MIS18A: variants seen among roughly 807,000 people sequenced by gnomAD.
MIS18A encodes protein Mis18-alpha.
Under a neutral mutation model 25.0 loss-of-function variants are expected in MIS18A, and 14 were observed. The observed-to-expected ratio is 0.56, with a 90% CI of 0.37 to 0.88. The LOEUF (loss-of-function observed/expected upper bound fraction) is 0.88. Among genes scored for constraint, MIS18A ranks in the 40% least tolerant of loss-of-function variants. The probability of loss-of-function intolerance (pLI) is 0.00; values close to 1 mark genes in which losing one functional copy is unlikely to be tolerated. For synonymous variants in MIS18A, 134 were observed against 118.6 expected, an observed-to-expected ratio of 1.13 and a Z score of -0.84; for missense variants, 292 against 290.8, an observed-to-expected ratio of 1.00 and a Z score of -0.03.
intron 1 of MIS18A, chr21:32,277,946 G>C (rs976659619): frequency 2.6e-5 from 4 of 152,096 alleles, no homozygotes; most frequent in Admixed American, 2.6e-4. Flanking sequence ...GGCATTCAAA[G>C]ACAGAAAAAA....
At chr21:32,165,949 G>C in the MIS18A span, among the ~76,000 whole-genome samples, 5,764 of 152,176 alleles carry the variant, frequency 0.038, 209 homozygotes, top group African/African-American at 0.095. Context: ...TAGTGAACAG[G>C]CATTATCACC....
chr21:32,186,226 G>A, the MIS18A span, among the ~76,000 whole-genome samples: 2 of 152,148 alleles, frequency 1.3e-5, no homozygotes, highest in East Asian at 1.9e-4. Context: ...TGATCATAAC[G>A]ACTTGAGAGA....
the MIS18A span, among the ~76,000 whole-genome samples, chr21:32,211,926 C>T: frequency 6.6e-6 from 1 of 152,206 alleles, no homozygotes; most frequent in South Asian, 2.1e-4. Flanking sequence ...CCCTCTCAGG[C>T]CTCTCCCCAG....
chr21:32,259,939 C>CT, the MIS18A span: 1 of 152,174 alleles, frequency 6.6e-6, no homozygotes, highest in East Asian at 1.9e-4. Context: ...GGTAAATTTC[C>CT]TTTGAGTTCC....
At chr21:32,205,003 T>G in the MIS18A span, among the ~76,000 whole-genome samples, 1 of 151,968 alleles carries the variant, frequency 6.6e-6, no homozygotes, top group Non-Finnish European at 1.5e-5. Flanking sequence ...TGGCCAATTC[T>G]AGGAAGTATT....
the MIS18A span, among the ~76,000 whole-genome samples, chr21:32,252,442 AGAG>A: frequency 6.6e-6 from 1 of 151,342 alleles, no homozygotes; most frequent in African/African-American, 2.4e-5. Flanking sequence ...GAGGAAGGGG[AGAG>A]GAGGAGGAAA....
At chr21:32,159,112 C>A in the MIS18A span, among the ~76,000 whole-genome samples, 3,647 of 152,090 alleles carry the variant, frequency 0.024, 147 homozygotes, top group African/African-American at 0.082. Context: ...AGATATTGTA[C>A]CTCTAATAAG....
At position 32,278,948 on chromosome 21, in the gene MIS18A, C is replaced by T; in HGVS notation, c.67G>A (p.Gly23Ser). Reference sequence around the variant, plus strand: ...AACAGCGAGGAGTCGCTGCATTTGCCCTTGTCGCCGCACTCACAGCCGCCA... The same window carrying T: ...AACAGCGAGGAGTCGCTGCATTTGCTCTTGTCGCCGCACTCACAGCCGCCA... ...CAGGCECGDK[G>S]KCSDSSLLGK... The change falls in exon 1 of 5, where the codon GGC (glycine) becomes AGC (serine). Residue 23 changes from glycine to serine, a missense_variant. Coordinates refer to ENST00000290130, the MANE Select transcript of MIS18A (RefSeq NM_018944.3). The T allele has an allele frequency of 6.2e-7, 1 of 1,613,168 alleles. No homozygotes were observed. Among genetic ancestry groups the T allele is most frequent in the Non-Finnish European group, 8.5e-7 (1 of 1,180,008 alleles).
the MIS18A span, among the ~76,000 whole-genome samples, chr21:32,184,026 G>A: frequency 6.6e-6 from 1 of 152,076 alleles, no homozygotes; most frequent in Non-Finnish European, 1.5e-5. Context: ...AGGGATTTCC[G>A]AGTCAATTTC....
chr21:32,269,828 T>A (rs993021060), intron 3 of MIS18A, 25 bp from the exon 4 acceptor site: 1 of 1,404,316 alleles, frequency 7.1e-7, no homozygotes, highest in African/African-American at 1.4e-5. Context: ...AAGGTTAAAA[T>A]ACAAGCTGGG....
chr21:32,168,816 A>C, the MIS18A span, among the ~76,000 whole-genome samples: 4 of 152,204 alleles, frequency 2.6e-5, no homozygotes, highest in African/African-American at 9.6e-5. Context: ...GAAAAAAGGA[A>C]AATAAGAAAT....
the MIS18A span, among the ~76,000 whole-genome samples, chr21:32,195,659 T>C: frequency 0.015 from 2,323 of 152,282 alleles, 60 homozygotes; most frequent in African/African-American, 0.053. Context: ...TATTTATTTT[T>C]AATTATGAGC....
the MIS18A span, among the ~76,000 whole-genome samples, chr21:32,255,024 T>C: frequency 1.3e-5 from 2 of 152,182 alleles, no homozygotes; most frequent in African/African-American, 4.8e-5. Flanking sequence ...ATTCATAATA[T>C]AGTAATATAG....
the MIS18A span, among the ~76,000 whole-genome samples, chr21:32,215,710 G>C: frequency 6.6e-6 from 1 of 152,082 alleles, no homozygotes; most frequent in Admixed American, 6.6e-5. Flanking sequence ...TCCTGGAGAG[G>C]ATCAGGAGGA....
chr21:32,272,286 A>G (rs1032551490), intron 2 of MIS18A, among the ~76,000 whole-genome samples: 21 of 152,354 alleles, frequency 1.4e-4, no homozygotes, highest in African/African-American at 5.0e-4. Context: ...TTCACAACAT[A>G]TTTCTAAAGC....
At chr21:32,192,671 A>G in the MIS18A span, among the ~76,000 whole-genome samples, 3 of 152,240 alleles carry the variant, frequency 2.0e-5, no homozygotes, top group African/African-American at 7.2e-5. Flanking sequence ...AGGGGGAATC[A>G]TGGCAGGAAT....
chr21:32,255,928 G>A, the MIS18A span, among the ~76,000 whole-genome samples: 1 of 151,890 alleles, frequency 6.6e-6, no homozygotes, highest in African/African-American at 2.4e-5. Flanking sequence ...TACGCCTGGG[G>A]TAAGTACATT....
chr21:32,231,129 C>T, the MIS18A span, among the ~76,000 whole-genome samples: 2 of 150,644 alleles, frequency 1.3e-5, no homozygotes, highest in Non-Finnish European at 3.0e-5. Flanking sequence ...CCCAGCTACT[C>T]GGGAGGCTGA....
the MIS18A span, among the ~76,000 whole-genome samples, chr21:32,223,192 C>T: frequency 1.3e-5 from 2 of 151,984 alleles, no homozygotes; most frequent in East Asian, 3.9e-4. Flanking sequence ...CAAGAACTGA[C>T]ACCCTAACAT....
Sources: gnomAD v4.1 joint callset for allele counts (sites outside exome capture counted in the v4.1 genomes callset) on GRCh38, gnomAD v4.1.1 for gene constraint, MANE v1.5 for transcripts, NCBI Gene and HGNC (gene_info 2026-07-23, HGNC 2026-07-21) for gene names.